The following FBXL18 variants were observed in gnomAD, a reference collection of about 807,000 sequenced individuals.
FBXL18 encodes the protein F-box/LRR-repeat protein 18.
FBXL18 carries 36 observed loss-of-function variants against 46.0 expected under a neutral mutation model. The ratio of observed to expected loss-of-function variants is 0.78; its 90% CI spans 0.60 to 1.03. The LOEUF (loss-of-function observed/expected upper bound fraction) is 1.03. Ranked by LOEUF, FBXL18 falls within the 50% of genes least tolerant of loss-of-function variation. The pLI, the probability that FBXL18 is intolerant of heterozygous loss-of-function variation, is 0.00. For synonymous variants in FBXL18, 557 were observed against 465.3 expected, an observed-to-expected ratio of 1.20 and a Z score of -2.54; for missense variants, 977 against 1,004.1, an observed-to-expected ratio of 0.97 and a Z score of 0.36.
At chr7:5,510,443 G>A (rs932027751) in intron 1 of FBXL18, among the ~76,000 whole-genome samples, 1 of 151,638 alleles carries the variant, frequency 6.6e-6, no homozygotes, top group Non-Finnish European at 1.5e-5. Context: ...CAGCACTTTG[G>A]GAGGCCAAAG....
chr7:5,486,273 G>A (rs1482144443), intron 4 of FBXL18, among the ~76,000 whole-genome samples: 1 of 77,470 alleles, frequency 1.3e-5, no homozygotes. Flanking sequence ...AAAAAAATGA[G>A]CTGGTTGTGG....
At chr7:5,460,507 G>A (rs1180324744) in intron 4 of FBXL18, among the ~76,000 whole-genome samples, 1 of 152,168 alleles carries the variant, frequency 6.6e-6, no homozygotes, top group East Asian at 1.9e-4. Context: ...AGGCTGGAGT[G>A]CAATGGTGCG....
chr7:5,496,603 C>T lies in FBXL18; in HGVS notation c.1781+3885G>A, dbSNP rs961201572. Among the ~76,000 whole-genome samples the T allele has an allele frequency of 6.6e-6, 1 of 152,216 alleles. No individual in the cohort carries two copies. Among genetic ancestry groups the T allele is most frequent in the Non-Finnish European group, 1.5e-5 (1 of 68,048 alleles). On this transcript the variant is annotated intron_variant, in intron 3 of 4. Coordinates refer to ENST00000382368, the MANE Select transcript of FBXL18 (RefSeq NM_024963.6). This position sits in a 1 kb window ranked among gnomAD's most constrained non-coding sequence, Gnocchi z 4.8. ...GCCACACTTAACAGACTCTCCGGAC[C>T]GGGCACAGTGGCTCACACCTGTGAT...
chr7:5,504,055 G>A (rs975235161), intron 2 of FBXL18, among the ~76,000 whole-genome samples: 1 of 151,342 alleles, frequency 6.6e-6, no homozygotes, highest in Non-Finnish European at 1.5e-5. Context: ...AAGCTTCATG[G>A]AGAGGAGGCC....
Position 5,477,109 on chromosome 7 carries a change from G to C in FBXL18, c.*4666C>G, listed in dbSNP as rs1022549553. 1.3e-5 allele frequency: 2 copies of C among 151,286 alleles called. No homozygotes were observed. Among genetic ancestry groups the C allele is most frequent in the Non-Finnish European group, 2.9e-5 (2 of 67,898 alleles). The allele number at this position is 151,286 out of a possible 1,614,324, so 9.4% of individuals were successfully genotyped here. ...TCACTGTGTTAGCCAGGACGGTCTC[G>C]ATCTCCTGACCTCATGATCCGCCTG... On this transcript the variant is annotated 3_prime_UTR_variant, in exon 5 of 5. Transcript: ENST00000382368. This position sits in a 1 kb window ranked among gnomAD's most constrained non-coding sequence, Gnocchi z 4.4.
In FBXL18 at chr7:5,491,201, C is replaced by G. The variant is rs762824360; in HGVS notation, c.2000+30G>C. 2.3e-5 allele frequency: 37 copies of G among 1,582,994 alleles called. No homozygotes were observed. The African/African-American group carries it at 2.6e-4, about 11-fold the overall frequency. On this transcript the variant is annotated intron_variant, in intron 4 of 4. Transcript: ENST00000382368. ...GGGATGCTGGTGATTTCTGCGGCCC[C>G]TGAAGCTGTACGCAACCCACATCAC...
In FBXL18 at chr7:5,458,790, G is replaced by A. The variant is rs568759625; in HGVS notation, c.2001-10947C>T. On this transcript the variant is annotated intron_variant and NMD_transcript_variant, in intron 4 of 6. Coordinates refer to the FBXL18 transcript ENST00000415009. ...GCATGAGAATCACTTGAACCCGGAG[G>A]CAAACAATGTCTTAACAGAGCAGAA... Among the ~76,000 whole-genome samples, 10 of 152,290 alleles carry A rather than the reference G, an allele frequency of 6.6e-5. No homozygotes were observed. The South Asian group carries it at 1.5e-3, about 22-fold the overall frequency.
At chr7:5,470,558 G>A (rs180819585) in intron 4 of FBXL18, among the ~76,000 whole-genome samples, 2 of 152,264 alleles carry the variant, frequency 1.3e-5, no homozygotes, top group Admixed American at 1.3e-4. Flanking sequence ...CACCATTCCC[G>A]GCTCCTGAGT....
intron 4 of FBXL18, among the ~76,000 whole-genome samples, chr7:5,457,499 T>C (rs1783189157): frequency 6.6e-6 from 1 of 152,212 alleles, no homozygotes; most frequent in Non-Finnish European, 1.5e-5. Flanking sequence ...TTTTATTATT[T>C]GCTACCAAAC....
At chr7:5,492,131 A>C (rs1783943780) in intron 3 of FBXL18, among the ~76,000 whole-genome samples, 1 of 150,850 alleles carries the variant, frequency 6.6e-6, no homozygotes, top group African/African-American at 2.4e-5. Flanking sequence ...CACCAAGGCT[A>C]CAGTGACAGA....
rs372727898 is a variant in FBXL18 at position 5,459,555 on chromosome 7, A to G, written c.2001-11712T>C. On this transcript the variant is annotated intron_variant and NMD_transcript_variant, in intron 4 of 6. Transcript: ENST00000415009. ...GGAGATCAAGACCATCCTGGCTAAC[A>G]TGGTGAAACCCCGTCTCTACTAAAA... is the stretch of plus-strand genomic sequence containing the variant. Among the ~76,000 whole-genome samples the G allele has an allele frequency of 2.0e-5, 3 of 152,094 alleles. No individual in the cohort carries two copies. The East Asian group carries it at 5.8e-4, about 29-fold the overall frequency.
intron 4 of FBXL18, chr7:5,490,110 C>T (rs1200587748): frequency 2.2e-6 from 3 of 1,361,542 alleles, no homozygotes; most frequent in African/African-American, 1.5e-5. Flanking sequence ...CAGAGTCTGG[C>T]AAGCAGGGTT....
At position 5,455,896 on chromosome 7, in the gene FBXL18, G is replaced by A. The variant is rs1481280797; in HGVS notation, c.2001-8053C>T. Among the ~76,000 whole-genome samples, 1 of 152,040 alleles carries A rather than the reference G, an allele frequency of 6.6e-6. No homozygotes were observed. Among genetic ancestry groups the A allele is most frequent in the Non-Finnish European group, 1.5e-5 (1 of 68,004 alleles). On this transcript the variant is annotated intron_variant and NMD_transcript_variant, in intron 4 of 6. Coordinates refer to the FBXL18 transcript ENST00000415009. This position sits in a 1 kb window ranked among gnomAD's most constrained non-coding sequence, Gnocchi z 4.6. ...GACCTGGCCATCTCTGCCCCATGCG[G>A]GACTCTCTCATGGGCCGTGCTGGCT...
In FBXL18 at chr7:5,481,795, G is replaced by A; in HGVS notation, c.2137C>T (p.Pro713Ser). Residue 713 changes from proline (P) to serine (S), a missense_variant, in exon 5 of 5, where the codon CCG becomes TCG. By Grantham distance (74) the Pro-to-Ser change is moderately conservative. Coordinates refer to ENST00000382368, the MANE Select transcript of FBXL18 (RefSeq NM_024963.6). ...TLFKSRVAEE[P>S]PNLWW is the part of the protein sequence containing the mutation. ...GCCTCTCACCACCACAGGTTCGGCG[G>A]TTCCTCGGCCACTCTGCTCTTAAAT... The A allele has an allele frequency of 6.2e-7, 1 of 1,613,544 alleles. No homozygotes were observed. The highest frequency in any genetic ancestry group is 8.5e-7 in the Non-Finnish European group (1 of 1,179,982).
chr7:5,512,640 G>A (rs961519772), intron 1 of FBXL18, among the ~76,000 whole-genome samples: 1 of 152,128 alleles, frequency 6.6e-6, no homozygotes, highest in South Asian at 2.1e-4. Context: ...AACAGAGGGG[G>A]CTTTAAGCTG....
intron 4 of FBXL18, among the ~76,000 whole-genome samples, chr7:5,457,656 A>T (rs1174517649): frequency 6.6e-6 from 1 of 152,212 alleles, no homozygotes; most frequent in African/African-American, 2.4e-5. Context: ...GCTGTATTTT[A>T]AAAAGCAACG....
downstream of FBXL18, among the ~76,000 whole-genome samples, chr7:5,474,646 C>A (rs952509306): frequency 1.4e-5 from 2 of 146,750 alleles, no homozygotes; most frequent in African/African-American, 5.1e-5. Flanking sequence ...ACTTTTTTTT[C>A]TTCAAAAAAA....
At chr7:5,470,524 G>A (rs1374502688) in intron 4 of FBXL18, among the ~76,000 whole-genome samples, 2 of 152,150 alleles carry the variant, frequency 1.3e-5, no homozygotes, top group Admixed American at 6.5e-5. Flanking sequence ...CAGAGAAACC[G>A]CAGGAAGGGC....
intron 4 of FBXL18, among the ~76,000 whole-genome samples, chr7:5,460,245 G>A (rs913676739): frequency 6.6e-6 from 1 of 152,062 alleles, no homozygotes; most frequent in African/African-American, 2.4e-5. Context: ...GTGAGACTCG[G>A]TCTCCAAAAA....
Sources: gnomAD v4.1 joint callset for allele counts (sites outside exome capture counted in the v4.1 genomes callset) on GRCh38, gnomAD v4.1.1 for gene constraint, Gnocchi (gnomAD v3.1) non-coding constraint, MANE v1.5 for transcripts, NCBI Gene and HGNC (gene_info 2026-07-23, HGNC 2026-07-21) for gene names.